The following SETBP1 variants were observed in gnomAD, a reference collection of about 807,000 sequenced individuals.
SETBP1 encodes the protein SET-binding protein.
A neutral mutation model predicts 101.0 loss-of-function variants in SETBP1; 9 were observed. The ratio of observed to expected loss-of-function variants is 0.09; its 90% CI spans 0.05 to 0.16. SETBP1 has a LOEUF of 0.16. Ranked by LOEUF, SETBP1 falls within the 10% of genes least tolerant of loss-of-function variation. SETBP1 has a pLI of 1.00. For missense variants in SETBP1, 1,858 were observed against 2,033.8 expected (o/e 0.91, Z 1.66); for synonymous variants, 818 against 788.5 (o/e 1.04, Z -0.63).
chr18:45,063,552 C>G lies in SETBP1; in HGVS notation c.4645C>G (p.Arg1549Gly), dbSNP rs2073925918. Reference sequence around the variant, plus strand: ...GCCACCCCCTCTACCCAAGACCCCCCGAGGCGGAAAGAGGAAACACAAACC... The same window carrying G: ...GCCACCCCCTCTACCCAAGACCCCCGGAGGCGGAAAGAGGAAACACAAACC... ...PPPPPLPKTP[R>G]GGKRKHKPQA... Residue 1549 changes from arginine to glycine, a missense_variant, in exon 6 of 6, where the codon CGA becomes GGA. Coordinates refer to ENST00000649279, the MANE Select transcript of SETBP1 (RefSeq NM_015559.3). 2.0e-6 allele frequency: 3 copies of G among 1,500,424 alleles called. No individual in the cohort carries two copies. Among genetic ancestry groups the G allele is most frequent in the Non-Finnish European group, 2.7e-6 (3 of 1,113,980 alleles). 92.9% of individuals were successfully genotyped at this position (1,500,424 alleles called of 1,614,324 possible). A position where few individuals can be genotyped will look rare whatever the true frequency, so the allele number is the denominator to read the frequency against.
Position 44,951,728 on chromosome 18 carries a change from A to G in SETBP1, c.2388A>G (p.Glu796=), listed in dbSNP as rs757767576. The part of the protein sequence containing the change: ...SNGNLSPAST[E]TNFSELKTMP... ...GCAACCTGAGCCCTGCCAGCACTGAAACCAATTTTTCAGAGTTGAAAACTA... is the reference window on the plus strand; with the variant it reads ...GCAACCTGAGCCCTGCCAGCACTGAGACCAATTTTTCAGAGTTGAAAACTA... Residue 796 remains glutamate, a synonymous_variant, in exon 4 of 6, where the codon GAA becomes GAG. Coordinates refer to ENST00000649279, the MANE Select transcript of SETBP1 (RefSeq NM_015559.3). This position sits in a 1 kb window ranked among gnomAD's most constrained non-coding sequence, Gnocchi z 7.8. The G allele has an allele frequency of 1.2e-6, 2 of 1,614,094 alleles. No homozygotes were observed. The highest frequency in any genetic ancestry group is 1.7e-6 in the Non-Finnish European group (2 of 1,180,034).
At position 45,019,082 on chromosome 18, in the gene SETBP1, A is replaced by C. The variant is rs562142947; in HGVS notation, c.4001-19403A>C. Among the ~76,000 whole-genome samples the C allele has an allele frequency of 3.9e-5, 6 of 152,318 alleles. No individual in the cohort carries two copies. The East Asian group carries it at 7.7e-4, about 20-fold the overall frequency. On this transcript the variant is annotated intron_variant, in intron 4 of 5. Transcript: ENST00000649279. ...AGCCTTTGATGACACCACTGGAGAC[A>C]GGAAGCCTCCACCTGCTCAAGCCTA...
intron 2 of SETBP1, among the ~76,000 whole-genome samples, chr18:44,859,782 C>G (rs1282318363): frequency 6.6e-6 from 1 of 152,114 alleles, no homozygotes; most frequent in Non-Finnish European, 1.5e-5. Context: ...GGAGGAGATT[C>G]TCCTATTTTT....
chr18:44,979,132 G>C (rs1027407493), intron 4 of SETBP1, among the ~76,000 whole-genome samples: 1 of 152,160 alleles, frequency 6.6e-6, no homozygotes, highest in Non-Finnish European at 1.5e-5. Flanking sequence ...CTCCTGTCTG[G>C]TGACTGCTAC....
chr18:44,913,503 C>T (rs2070360332), intron 3 of SETBP1, among the ~76,000 whole-genome samples: 1 of 152,216 alleles, frequency 6.6e-6, no homozygotes. Flanking sequence ...TCACAGAAGG[C>T]AGAGACTAGA....
At chr18:44,738,283 C>T (rs1206959859) in intron 2 of SETBP1, among the ~76,000 whole-genome samples, 2 of 152,190 alleles carry the variant, frequency 1.3e-5, no homozygotes, top group African/African-American at 4.8e-5. Context: ...CCTATGTTGA[C>T]ATCTCTTTCC....
At chr18:44,750,501 A>C (rs11661549) in intron 2 of SETBP1, among the ~76,000 whole-genome samples, 27,667 of 152,226 alleles carry the variant, frequency 0.18, 2,686 homozygotes, top group Middle Eastern at 0.25. Flanking sequence ...TGGGGGAGAC[A>C]CAAACATCTG....
intron 5 of SETBP1, among the ~76,000 whole-genome samples, chr18:45,059,260 T>A (rs1418902070): frequency 1.3e-5 from 2 of 152,226 alleles, no homozygotes; most frequent in Non-Finnish European, 2.9e-5. Flanking sequence ...GATGATAGTA[T>A]GTGATTTCAT....
chr18:44,992,875 C>T (rs1001004952), intron 4 of SETBP1, among the ~76,000 whole-genome samples: 5 of 151,772 alleles, frequency 3.3e-5, no homozygotes, highest in African/African-American at 1.2e-4. Context: ...AATAGTGGGC[C>T]AAGTGTACCT....
chr18:44,721,087 G>A (rs2069582512), intron 2 of SETBP1, among the ~76,000 whole-genome samples: 1 of 152,160 alleles, frequency 6.6e-6, no homozygotes, highest in Admixed American at 6.5e-5. Context: ...ACAGAGAAGA[G>A]GCTGAGAGAG....
intron 2 of SETBP1, among the ~76,000 whole-genome samples, chr18:44,830,876 A>G (rs2072348094): frequency 6.6e-6 from 1 of 152,224 alleles, no homozygotes; most frequent in South Asian, 2.1e-4. Flanking sequence ...ACAAAACAGT[A>G]CATTGTGTTT....
intron 2 of SETBP1, among the ~76,000 whole-genome samples, chr18:44,830,144 A>T (rs2072329028): frequency 6.6e-6 from 1 of 152,182 alleles, no homozygotes; most frequent in Non-Finnish European, 1.5e-5. Context: ...AACTTATTGG[A>T]ATCTTTAATA....
At chr18:44,995,394 G>T (rs1471485143) in intron 4 of SETBP1, among the ~76,000 whole-genome samples, 1 of 151,968 alleles carries the variant, frequency 6.6e-6, no homozygotes, top group African/African-American at 2.4e-5. Context: ...GCCCACCTCG[G>T]CCTCCCTAAG....
At chr18:44,714,964 CT>C in intron 2 of SETBP1, among the ~76,000 whole-genome samples, 1 of 152,218 alleles carries the variant, frequency 6.6e-6, no homozygotes, top group East Asian at 1.9e-4. Context: ...TTATTTCTCC[CT>C]GTTTTATAAA....
In SETBP1 at chr18:44,952,655, T is replaced by G; in HGVS notation, c.3315T>G (p.Gly1105=). 1 of 1,614,014 alleles carries G rather than the reference T, an allele frequency of 6.2e-7. No homozygotes were observed. The highest frequency in any genetic ancestry group is 1.1e-5 in the South Asian group (1 of 91,080). Reference sequence around the variant, plus strand: ...CAAACTCCCACGTAAAGATGTCCGGTGCAGCTAAGCATAAAGCCAAGCATG... The same window carrying G: ...CAAACTCCCACGTAAAGATGTCCGGGGCAGCTAAGCATAAAGCCAAGCATG... ...FHTNSHVKMS[G]AAKHKAKHGV... The change falls in exon 4 of 6, where the codon GGT becomes GGG. Residue 1105 remains glycine, a synonymous_variant. Transcript: ENST00000649279.
intron 4 of SETBP1, among the ~76,000 whole-genome samples, chr18:45,011,273 G>A (rs1355008388): frequency 6.6e-6 from 1 of 152,020 alleles, no homozygotes; most frequent in African/African-American, 2.4e-5. Context: ...ACCTGAGATG[G>A]GCCCCCCGAT....
chr18:44,940,254 C>T (rs1281637810), intron 3 of SETBP1, among the ~76,000 whole-genome samples: 1 of 152,064 alleles, frequency 6.6e-6, no homozygotes, highest in East Asian at 1.9e-4. Flanking sequence ...TTTAAGCTGT[C>T]TTTGTATTTA....
At chr18:44,869,404 C>A in intron 3 of SETBP1, 121 bp downstream of exon 3, 1 of 894,850 alleles carries the variant, frequency 1.1e-6, no homozygotes, top group Non-Finnish European at 1.8e-6. Flanking sequence ...GCTTCTTTCC[C>A]TAGCTAACTG....
At chr18:44,894,835 G>C (rs993452926) in intron 3 of SETBP1, among the ~76,000 whole-genome samples, 2 of 151,520 alleles carry the variant, frequency 1.3e-5, no homozygotes, top group Non-Finnish European at 2.9e-5. Context: ...ATTCACTGTT[G>C]AAAACTTAAT....
Sources: gnomAD v4.1 joint callset for allele counts (sites outside exome capture counted in the v4.1 genomes callset) on GRCh38, gnomAD v4.1.1 for gene constraint, Gnocchi (gnomAD v3.1) non-coding constraint, MANE v1.5 for transcripts, NCBI Gene and HGNC (gene_info 2026-07-23, HGNC 2026-07-21) for gene names.